Variants in CDH12 observed in about 807,000 individuals in gnomAD.
CDH12 encodes cadherin 12, also known as cadherin-12.
CDH12 carries 41 observed loss-of-function variants against 74.1 expected under a neutral mutation model. The observed-to-expected ratio is 0.55, with a 90% CI of 0.43 to 0.72. The LOEUF (loss-of-function observed/expected upper bound fraction) is 0.72, where lower values mean the gene tolerates loss of function less well. CDH12 is among the 30% of genes least tolerant of loss of function. The pLI is 0.00. For missense variants in CDH12, 945 were observed against 977.2 expected (o/e 0.97, Z 0.44); for synonymous variants, 399 against 355.0 (o/e 1.12, Z -1.39).
At chr5:22,500,574 T>C (rs1747289528) in intron 2 of CDH12, among the ~76,000 whole-genome samples, 1 of 152,150 alleles carries the variant, frequency 6.6e-6, no homozygotes, top group African/African-American at 2.4e-5. Flanking sequence ...CTCTTTTTAA[T>C]CAACTTTAAA....
At chr5:22,164,159 A>G (rs1580346167) in intron 4 of CDH12, among the ~76,000 whole-genome samples, 1 of 152,082 alleles carries the variant, frequency 6.6e-6, no homozygotes, top group Non-Finnish European at 1.5e-5. Context: ...CCACTTCCAA[A>G]ATGGCGGCGG....
chr5:22,165,348 G>A (rs1331369218), intron 4 of CDH12, among the ~76,000 whole-genome samples: 1 of 152,132 alleles, frequency 6.6e-6, no homozygotes, highest in Non-Finnish European at 1.5e-5. Context: ...GAGTGTTCCT[G>A]CTGTGCTTTT....
At chr5:22,220,766 C>T (rs930536134) in intron 3 of CDH12, among the ~76,000 whole-genome samples, 3 of 151,730 alleles carry the variant, frequency 2.0e-5, no homozygotes, top group African/African-American at 4.8e-5. Context: ...AAGGTGCATA[C>T]TGATTCTCTC....
chr5:22,064,851 G>C (rs1741450765), intron 5 of CDH12, among the ~76,000 whole-genome samples: 1 of 152,116 alleles, frequency 6.6e-6, no homozygotes, highest in African/African-American at 2.4e-5. Context: ...TGACAGACGT[G>C]AGATTGTTGG....
intron 6 of CDH12, among the ~76,000 whole-genome samples, chr5:21,887,579 A>T (rs186013222): frequency 1.3e-5 from 2 of 152,112 alleles, no homozygotes; most frequent in Non-Finnish European, 2.9e-5. Context: ...TCCTTCAACA[A>T]TGGAAAATCA....
Position 22,166,853 on chromosome 5 carries a change from T to G in CDH12, c.-187+45645A>C, listed in dbSNP as rs536492649. ...CTAGCGAGAAAGAATATATCTTATA[T>G]TATTTTAAAAAAAGCAAAAAATGAT... On this transcript the variant is annotated intron_variant, in intron 4 of 14. Coordinates refer to ENST00000382254, the MANE Select transcript of CDH12 (RefSeq NM_004061.5). 5.3e-5 allele frequency among the ~76,000 whole-genome samples: 8 copies of G among 152,288 alleles called. No individual in the cohort carries two copies. In the East Asian group the frequency reaches 1.2e-3, roughly 22 times the overall value.
intron 1 of CDH12, among the ~76,000 whole-genome samples, chr5:22,603,164 C>A (rs1019555585): frequency 1.3e-5 from 2 of 151,754 alleles, no homozygotes; most frequent in Admixed American, 1.3e-4. Context: ...AGAAACAGGG[C>A]ACAAGAAATA....
intron 1 of CDH12, among the ~76,000 whole-genome samples, chr5:22,666,282 C>T (rs1156863331): frequency 3.6e-4 from 30 of 83,532 alleles, no homozygotes; most frequent in African/African-American, 1.1e-3. Context: ...ATCTCTCTAT[C>T]TTTTTTTTTT....
intron 3 of CDH12, among the ~76,000 whole-genome samples, chr5:22,372,222 T>G (rs188427774): frequency 6.5e-4 from 99 of 152,022 alleles, no homozygotes; most frequent in African/African-American, 2.2e-3. Context: ...GGAACTGAAA[T>G]AGCAAGTAGA....
intron 6 of CDH12, chr5:21,882,868 T>C (rs1306695148): frequency 3.8e-6 from 6 of 1,596,036 alleles, no homozygotes; most frequent in Admixed American, 1.7e-5. Flanking sequence ...TATAAAAACA[T>C]TGGAGCTAAA....
intron 1 of CDH12, among the ~76,000 whole-genome samples, chr5:22,522,269 C>G (rs1018091266): frequency 6.6e-6 from 1 of 152,134 alleles, no homozygotes; most frequent in Non-Finnish European, 1.5e-5. Context: ...GGATTAGGAA[C>G]CAAAAGCTCA....
intron 6 of CDH12, among the ~76,000 whole-genome samples, chr5:21,937,663 C>G (rs1229963281): frequency 6.6e-6 from 1 of 152,118 alleles, no homozygotes; most frequent in Non-Finnish European, 1.5e-5. Flanking sequence ...AGACTCAATC[C>G]TATATGTGAT....
chr5:22,240,378 A>G (rs1401658709), intron 3 of CDH12, among the ~76,000 whole-genome samples: 1 of 152,152 alleles, frequency 6.6e-6, no homozygotes, highest in African/African-American at 2.4e-5. Context: ...ATGAAATACT[A>G]AAGGTCACCA....
Position 22,776,086 on chromosome 5 carries a change from T to C in CDH12, c.-523+76972A>G, listed in dbSNP as rs1010148714. Among the ~76,000 whole-genome samples, 8 of 152,272 alleles carry C rather than the reference T, an allele frequency of 5.3e-5. No individual in the cohort carries two copies. In the South Asian group the frequency reaches 1.7e-3, roughly 32 times the overall value. ...ATTAAATCTCTTTTGCTTTCCAGTC[T>C]CAGGTAGGTCTTTGTCAGCAGCATG... On this transcript the variant is annotated intron_variant, in intron 1 of 14. Transcript: ENST00000382254.
chr5:21,883,657 T>C (rs1444748493), intron 6 of CDH12: 58 of 1,612,040 alleles, frequency 3.6e-5, no homozygotes, highest in Non-Finnish European at 4.7e-5. Context: ...GACGATGCCA[T>C]GCTCTTAAAA....
chr5:22,001,262 G>A (rs113839045), intron 5 of CDH12, among the ~76,000 whole-genome samples: 8 of 152,232 alleles, frequency 5.3e-5, no homozygotes, highest in South Asian at 2.1e-4. Flanking sequence ...AGTTGTTAAT[G>A]AGCATGACAG....
chr5:22,185,723 T>G (rs1194582057), intron 4 of CDH12, among the ~76,000 whole-genome samples: 1 of 152,194 alleles, frequency 6.6e-6, no homozygotes, highest in Admixed American at 6.5e-5. Flanking sequence ...ATTTTTAAAT[T>G]TTCTATTGTG....
intron 3 of CDH12, among the ~76,000 whole-genome samples, chr5:22,385,762 G>C (rs1326814301): frequency 1.3e-5 from 2 of 152,004 alleles, no homozygotes; most frequent in African/African-American, 2.4e-5. Flanking sequence ...TAATTCCACA[G>C]GCTGTACAAG....
chr5:22,072,366 A>G (rs1338627298), intron 5 of CDH12, among the ~76,000 whole-genome samples: 1 of 152,060 alleles, frequency 6.6e-6, no homozygotes, highest in Non-Finnish European at 1.5e-5. Flanking sequence ...TTCAAGCCTC[A>G]GGGCTTACAA....
Sources: gnomAD v4.1 joint callset for allele counts (sites outside exome capture counted in the v4.1 genomes callset) on GRCh38, gnomAD v4.1.1 for gene constraint, MANE v1.5 for transcripts, NCBI Gene and HGNC (gene_info 2026-07-23, HGNC 2026-07-21) for gene names.